Variants in ARAP2 observed in about 807,000 individuals in gnomAD.
The protein encoded by ARAP2 is arf-GAP with Rho-GAP domain, ANK repeat and PH domain-containing protein 2.
Under a neutral mutation model 194.5 loss-of-function variants are expected in ARAP2, and 148 were observed. The observed-to-expected ratio is 0.76, with a 90% CI of 0.67 to 0.87. The LOEUF is 0.87. Among genes scored for constraint, ARAP2 ranks in the 40% least tolerant of loss-of-function variants. The probability of loss-of-function intolerance (pLI) is 0.00; values close to 1 mark genes in which losing one functional copy is unlikely to be tolerated. For synonymous variants in ARAP2, 695 were observed against 683.5 expected (o/e 1.02, Z -0.26); for missense variants, 2,128 against 1,989.7 (o/e 1.07, Z -1.32).
chr4:36,117,215 G>A, intron 24 of ARAP2, 80 bp from the exon 25 acceptor site: 1 of 947,708 alleles, frequency 1.1e-6, no homozygotes, highest in Non-Finnish European at 1.5e-6. Flanking sequence ...CAGCTATAAA[G>A]CCCCAGTCAT....
At chr4:36,035,326 G>A (rs1445055085) in intron 5 of ARAP2, among the ~76,000 whole-genome samples, 1 of 151,990 alleles carries the variant, frequency 6.6e-6, no homozygotes, top group African/African-American at 2.4e-5. Flanking sequence ...TATGTGTCCA[G>A]GAACTTATCC....
chr4:36,202,085 C>T (rs1394244420), intron 6 of ARAP2, among the ~76,000 whole-genome samples: 1 of 152,142 alleles, frequency 6.6e-6, no homozygotes, highest in Non-Finnish European at 1.5e-5. Context: ...TTACATAGCC[C>T]TAAAGAATCA....
intron 9 of ARAP2, among the ~76,000 whole-genome samples, chr4:36,177,528 A>G (rs1173216235): frequency 6.6e-6 from 1 of 152,168 alleles, no homozygotes; most frequent in Non-Finnish European, 1.5e-5. Flanking sequence ...TTGTTCTCTC[A>G]TGTAGTCGTA....
At chr4:36,103,438 T>C (rs1169992069) in intron 27 of ARAP2, among the ~76,000 whole-genome samples, 1 of 151,414 alleles carries the variant, frequency 6.6e-6, no homozygotes, top group Non-Finnish European at 1.5e-5. Flanking sequence ...GTGATAGATA[T>C]GTTGAAGTTC....
At chr4:36,200,690 T>A (rs898102195) in intron 6 of ARAP2, among the ~76,000 whole-genome samples, 3 of 152,312 alleles carry the variant, frequency 2.0e-5, no homozygotes, top group East Asian at 1.9e-4. Context: ...AAAATTAAAT[T>A]AATAAATATC....
At chr4:36,149,037 C>T (rs1196549320) in intron 16 of ARAP2, among the ~76,000 whole-genome samples, 1 of 152,148 alleles carries the variant, frequency 6.6e-6, no homozygotes, top group African/African-American at 2.4e-5. Context: ...TACTATAGAT[C>T]AAATTAAAGC....
At chr4:36,018,282 C>T (rs952797095) in intron 6 of ARAP2, among the ~76,000 whole-genome samples, 1 of 151,994 alleles carries the variant, frequency 6.6e-6, no homozygotes, top group Non-Finnish European at 1.5e-5. Flanking sequence ...ATTGGGTGTT[C>T]GTTAGGGTTC....
At chr4:36,170,687 T>C (rs1736413566) in intron 9 of ARAP2, among the ~76,000 whole-genome samples, 1 of 152,190 alleles carries the variant, frequency 6.6e-6, no homozygotes, top group Non-Finnish European at 1.5e-5. Context: ...TATCTGTGCA[T>C]GCTATGAAGT....
chr4:36,170,942 A>G (rs1736471648), intron 9 of ARAP2, among the ~76,000 whole-genome samples: 3 of 152,126 alleles, frequency 2.0e-5, no homozygotes, highest in African/African-American at 7.2e-5. Context: ...AGGTGGAAAA[A>G]AAAAAATGCC....
intron 20 of ARAP2, among the ~76,000 whole-genome samples, chr4:36,129,315 T>A (rs968619953): frequency 6.6e-6 from 1 of 151,882 alleles, no homozygotes; most frequent in Non-Finnish European, 1.5e-5. Context: ...ATCCCTTGCC[T>A]CCTCCCAGGC....
At chr4:36,190,182 T>C (rs1283060991) in intron 7 of ARAP2, among the ~76,000 whole-genome samples, 1 of 152,228 alleles carries the variant, frequency 6.6e-6, no homozygotes, top group Non-Finnish European at 1.5e-5. Context: ...TATTTCAGCA[T>C]AAATATATCC....
chr4:36,101,234 TA>T (rs1716831875), intron 27 of ARAP2, among the ~76,000 whole-genome samples: 1 of 151,966 alleles, frequency 6.6e-6, no homozygotes, highest in Admixed American at 6.6e-5. Flanking sequence ...TAGTGTCCTG[TA>T]ACCCACCTCC....
intron 5 of ARAP2, among the ~76,000 whole-genome samples, chr4:36,031,820 C>T (rs953204804): frequency 6.6e-6 from 1 of 152,088 alleles, no homozygotes. Context: ...AGGCGCCCGC[C>T]ACCACACCCA....
intron 26 of ARAP2, among the ~76,000 whole-genome samples, chr4:36,108,955 T>C (rs569875887): frequency 6.6e-6 from 1 of 152,124 alleles, no homozygotes; most frequent in South Asian, 2.1e-4. Flanking sequence ...ACATACCACC[T>C]GAGCTTTTTG....
intron 28 of ARAP2, among the ~76,000 whole-genome samples, chr4:36,085,117 TTATGTATTTAA>T (rs1730511072): frequency 1.3e-5 from 2 of 152,108 alleles, no homozygotes; most frequent in African/African-American, 4.8e-5. Context: ...TACTAGTTCT[TTATGTATTTAA>T]TATGAAATTG....
chr4:36,174,792 A>G (rs1167902675), intron 9 of ARAP2, among the ~76,000 whole-genome samples: 4 of 152,190 alleles, frequency 2.6e-5, no homozygotes, highest in South Asian at 2.1e-4. Context: ...ACCAGAGCCA[A>G]TTAGTAGCAG....
intron 5 of ARAP2, among the ~76,000 whole-genome samples, chr4:36,042,840 T>TTC (rs1553875205): frequency 0.018 from 2,636 of 145,790 alleles, 87 homozygotes; most frequent in African/African-American, 0.062. Flanking sequence ...AATGCGTTTT[T>TTC]TTCTTCTTTT....
At chr4:36,136,048 C>G (rs919380522) in intron 19 of ARAP2, among the ~76,000 whole-genome samples, 1 of 151,706 alleles carries the variant, frequency 6.6e-6, no homozygotes, top group African/African-American at 2.4e-5. Context: ...TGTCAAAGGG[C>G]GAATCCTAAA....
chr4:36,162,604 C>CTTT (rs3055949), intron 11 of ARAP2, among the ~76,000 whole-genome samples: 5,844 of 142,540 alleles, frequency 0.041, 257 homozygotes, highest in African/African-American at 0.092. Context: ...AAGTTCTTGT[C>CTTT]TTTTTTTTTT....
Sources: allele counts gnomAD v4.1 joint callset (sites outside exome capture counted in the v4.1 genomes callset), GRCh38; gene constraint gnomAD v4.1.1; transcripts MANE v1.5; gene names NCBI Gene and HGNC (gene_info 2026-07-23, HGNC 2026-07-21).